CDK11A: variants seen among roughly 807,000 people sequenced by gnomAD.
The protein encoded by CDK11A is cyclin-dependent kinase 11A.
A neutral mutation model predicts 83.6 loss-of-function variants in CDK11A; 55 were observed. The observed-to-expected ratio is 0.66, with a 90% confidence interval of 0.53 to 0.82. The LOEUF is 0.82. Among genes scored for constraint, CDK11A ranks in the 40% least tolerant of loss-of-function variants. CDK11A has a pLI of 0.00. For synonymous variants in CDK11A, 247 were observed against 302.7 expected (o/e 0.82, Z 1.91); for missense variants, 564 against 810.1 (o/e 0.70, Z 3.69).
At chr1:1,704,713 C>A in intron 13 of CDK11A, 58 bp from the exon 14 acceptor site, 1 of 1,598,294 alleles carries the variant, frequency 6.3e-7, no homozygotes, top group Non-Finnish European at 8.5e-7. Flanking sequence ...CACCCCTGCA[C>A]CCGGGCGCAG....
At chr1:1,723,512 A>AG (rs1644989689) in intron 1 of CDK11A, among the ~76,000 whole-genome samples, 1 of 68,292 alleles carries the variant, frequency 1.5e-5, no homozygotes, top group African/African-American at 3.4e-5. Flanking sequence ...AAAAAAAAAA[A>AG]AAAAAAAAAA....
intron 3 of CDK11A, among the ~76,000 whole-genome samples, chr1:1,720,749 A>G (rs1644876230): frequency 6.7e-6 from 1 of 149,152 alleles, no homozygotes; most frequent in African/African-American, 2.5e-5. Context: ...TAGAATACAG[A>G]GGCACAATCT....
intron 4 of CDK11A, among the ~76,000 whole-genome samples, chr1:1,718,046 GCT>G: frequency 9.0e-6 from 1 of 111,478 alleles, no homozygotes; most frequent in South Asian, 3.0e-4. Context: ...TAGCTAGTTT[GCT>G]CTCTATAGCC....
At chr1:1,706,708 G>A (rs1029415059) in intron 11 of CDK11A, among the ~76,000 whole-genome samples, 7 of 151,346 alleles carry the variant, frequency 4.6e-5, no homozygotes, top group African/African-American at 1.5e-4. Flanking sequence ...TGCCCAGGCC[G>A]GATGTCACGT....
intron 4 of CDK11A, 140 bp downstream of exon 4, chr1:1,719,188 C>A (rs112012562): frequency 2.9e-6 from 2 of 684,498 alleles, no homozygotes; most frequent in East Asian, 3.4e-5. Context: ...CCCTTCTGAA[C>A]GGTCTGTGAC....
chr1:1,724,158 G>A lies in CDK11A; in HGVS notation c.-14+100C>T, dbSNP rs921648201. 8.6e-5 allele frequency: 13 copies of A among 150,382 alleles called. 2 individuals carry two copies. Among genetic ancestry groups the A allele is most frequent in the African/African-American group, 3.2e-4 (13 of 40,974 alleles). The allele number at this position is 150,382 out of a possible 1,614,324, so 9.3% of individuals were successfully genotyped here. On this transcript the variant is annotated intron_variant, in intron 1 of 19. Coordinates refer to ENST00000404249, the MANE Select transcript of CDK11A (RefSeq NM_024011.4). ...GGAAGCGAGGGTGTCGCTCGCCCCC[G>A]GGCCCGGGTCCGCCCCGCTCCGAGG...
chr1:1,719,328 C>A lies in CDK11A; in HGVS notation c.355G>T (p.Gly119Trp), dbSNP rs770832144. ...TCAAAGAAAGTAAATGCTTCTGTAC[C>A]CCCTTCTGCTGAATGGCTATGATGC... ...CRHHSHSAEG[G>W]KHARVKEREH... Residue 119 changes from glycine to tryptophan, a missense_variant and splice_region_variant, in exon 4 of 20, where the codon GGG (glycine) becomes TGG (tryptophan). By Grantham distance (184) the Gly-to-Trp change is radical. Transcript: ENST00000404249. 5.3e-6 allele frequency: 8 copies of A among 1,512,136 alleles called. No homozygotes were observed. The African/African-American group carries it at 1.0e-4, about 19-fold the overall frequency. 93.7% of individuals were successfully genotyped at this position (1,512,136 alleles called of 1,614,324 possible). A position where few individuals can be genotyped will look rare whatever the true frequency, so the allele number is the denominator to read the frequency against.
Position 1,703,464 on chromosome 1 carries a change from C to T in CDK11A, c.2060+12G>A, listed in dbSNP as rs2101143626. 4 of 1,498,088 alleles carry T rather than the reference C, an allele frequency of 2.7e-6. No individual in the cohort carries two copies. The highest frequency in any genetic ancestry group is 3.5e-6 in the Non-Finnish European group (4 of 1,133,454). The allele number at this position is 1,498,088 out of a possible 1,614,324, so 92.8% of individuals were successfully genotyped here. A position where few individuals can be genotyped will look rare whatever the true frequency, so the allele number is the denominator to read the frequency against. On this transcript the variant is annotated intron_variant, in intron 18 of 19. Coordinates refer to ENST00000404249, the MANE Select transcript of CDK11A (RefSeq NM_024011.4). Reference sequence around the variant, plus strand: ...CTCGGGACCTCCCGCCACCCGGCTGCACTGGGCTCACTTGTTCATGAGGTC... The same window carrying T: ...CTCGGGACCTCCCGCCACCCGGCTGTACTGGGCTCACTTGTTCATGAGGTC...
chr1:1,707,719 C>T (rs1644372196), intron 10 of CDK11A, 135 bp from the exon 11 acceptor site: 2 of 894,960 alleles, frequency 2.2e-6, no homozygotes, highest in East Asian at 2.7e-5. Context: ...GCTCTCGTCC[C>T]CTGGACACAG....
intron 3 of CDK11A, 44 bp downstream of exon 3, chr1:1,721,552 G>A (rs114172122): frequency 0.013 from 20,859 of 1,585,632 alleles, 936 homozygotes; most frequent in Non-Finnish European, 0.015. Context: ...GGCCAGGCCA[G>A]GGCTGTGTAC....
rs893691512 is a variant in CDK11A, at chr1:1,724,275, C to T, written c.-31G>A. ...GAACTCACCCCTACGGGGCCGCGGC[C>T]GGTCCCTGAGCCTGAGAAGAAACAG... On this transcript the variant is annotated 5_prime_UTR_variant, in exon 1 of 20. Coordinates refer to ENST00000404249, the MANE Select transcript of CDK11A (RefSeq NM_024011.4). The T allele has an allele frequency of 6.6e-6, 1 of 151,650 alleles. No individual in the cohort carries two copies. The highest frequency in any genetic ancestry group is 1.9e-4 in the East Asian group (1 of 5,174). The allele number at this position is 151,650 out of a possible 1,614,324, so 9.4% of individuals were successfully genotyped here.
chr1:1,718,450 G>GAC (rs1402786102), intron 4 of CDK11A, among the ~76,000 whole-genome samples: 3 of 148,882 alleles, frequency 2.0e-5, no homozygotes, highest in Admixed American at 6.8e-5. Context: ...AATGGTCTGT[G>GAC]ACACACGCAC....
At position 1,722,827 on chromosome 1, in the gene CDK11A, A is replaced by C; in HGVS notation, c.-9T>G. 3.9e-6 allele frequency: 5 copies of C among 1,267,432 alleles called. No homozygotes were observed. The highest frequency in any genetic ancestry group is 2.0e-5 in the African/African-American group (1 of 49,196). 78.5% of individuals were successfully genotyped at this position (1,267,432 alleles called of 1,614,324 possible). A position where few individuals can be genotyped will look rare whatever the true frequency, so the allele number is the denominator to read the frequency against. ...TCCTTTTCATCACCCATTTGAGTTAAAACACTGCAAAAAGAAAAATAATTC... is the reference window on the plus strand; with the variant it reads ...TCCTTTTCATCACCCATTTGAGTTACAACACTGCAAAAAGAAAAATAATTC... On this transcript the variant is annotated 5_prime_UTR_variant, in exon 2 of 20. Coordinates refer to ENST00000404249, the MANE Select transcript of CDK11A (RefSeq NM_024011.4).
chr1:1,709,714 GCCT>G, intron 6 of CDK11A, 74 bp from the exon 7 acceptor site: 1 of 61,592 alleles, frequency 1.6e-5, no homozygotes. Context: ...CGGCACAGCT[GCCT>G]CGTCTCCCAC....
rs1170346043 is a variant in CDK11A at position 1,722,781 on chromosome 1, A to G, written c.38T>C (p.Leu13Ser). ...DEKDSWKVKT[L>S]DEILQEKKRR... ...TTTCTTTTCCTGAAGAATTTCATCT[A>G]AAGTTTTCACTTTCCAAGAGTCCTT... The change falls in exon 2 of 20, where the codon TTA (leucine) becomes TCA (serine). Residue 13 changes from leucine (L) to serine (S), a missense_variant. Physicochemically the swap from Leu to Ser is moderately radical, Grantham distance 145. Coordinates refer to ENST00000404249, the MANE Select transcript of CDK11A (RefSeq NM_024011.4). 1.9e-5 allele frequency: 27 copies of G among 1,451,628 alleles called. 3 individuals carry two copies. The highest frequency in any genetic ancestry group is 1.7e-4 in the Middle Eastern group (1 of 5,748). The allele number at this position is 1,451,628 out of a possible 1,614,324, so 89.9% of individuals were successfully genotyped here. A position where few individuals can be genotyped will look rare whatever the true frequency, so the allele number is the denominator to read the frequency against.
intron 5 of CDK11A, among the ~76,000 whole-genome samples, chr1:1,715,853 G>A (rs1228504014): frequency 6.6e-6 from 1 of 150,916 alleles, no homozygotes; most frequent in Admixed American, 6.6e-5. Flanking sequence ...AAAGGGGAAC[G>A]AATATACAGA....
At chr1:1,704,503 C>A (rs1644230698) in intron 14 of CDK11A, 47 bp downstream of exon 14, 1 of 1,583,120 alleles carries the variant, frequency 6.3e-7, no homozygotes, top group Non-Finnish European at 8.6e-7. Context: ...GTGACCAGGA[C>A]ACTGCCCCCA....
intron 4 of CDK11A, among the ~76,000 whole-genome samples, chr1:1,718,216 C>T (rs529095781): frequency 6.9e-6 from 1 of 144,004 alleles, no homozygotes; most frequent in Non-Finnish European, 1.5e-5. Context: ...CTCTCTATAG[C>T]CCTTCTGAAT....
At position 1,708,900 on chromosome 1, in the gene CDK11A, C is replaced by CTCCTCCTCT; in HGVS notation, c.888_896dup (p.Glu299_Glu301dup). On this transcript the variant is annotated inframe_insertion, in exon 9 of 20. Coordinates refer to ENST00000404249, the MANE Select transcript of CDK11A (RefSeq NM_024011.4). ...ATTCTTCACTGGTGCTCCCTTCCTC[C>CTCCTCCTCT]TCCTCCTCTTCCTCCTCCTCCTCTT... 2 of 923,866 alleles carry CTCCTCCTCT rather than the reference C, an allele frequency of 2.2e-6. No homozygotes were observed. Among genetic ancestry groups the CTCCTCCTCT allele is most frequent in the Non-Finnish European group, 3.4e-6 (2 of 587,568 alleles). 57.2% of individuals were successfully genotyped at this position (923,866 alleles called of 1,614,324 possible).
Sources: allele counts gnomAD v4.1 joint callset (sites outside exome capture counted in the v4.1 genomes callset), GRCh38; gene constraint gnomAD v4.1.1; transcripts MANE v1.5; gene names NCBI Gene and HGNC (gene_info 2026-07-23, HGNC 2026-07-21).